Variants in LRRC8D observed in about 807,000 individuals in gnomAD.
LRRC8D encodes the protein volume-regulated anion channel subunit LRRC8D.
Under a neutral mutation model 55.8 loss-of-function variants are expected in LRRC8D, and 20 were observed. The ratio of observed to expected loss-of-function variants is 0.36; its 90% CI spans 0.25 to 0.52. LRRC8D has a LOEUF of 0.52. LRRC8D is among the 20% of genes least tolerant of loss of function. LRRC8D has a pLI of 0.93. For synonymous variants in LRRC8D, 352 were observed against 377.0 expected, an observed-to-expected ratio of 0.93 and a Z score of 0.77; for missense variants, 651 against 1,030.8, an observed-to-expected ratio of 0.63 and a Z score of 5.05.
Position 89,934,217 on chromosome 1 carries a change from T to C in LRRC8D, c.1149T>C (p.Thr383=). Residue 383 remains threonine (T), a synonymous_variant, in exon 3 of 3, where the codon ACT becomes ACC. Transcript: ENST00000337338. The surrounding 1 kb of genome is among the most constrained non-coding windows in gnomAD (Gnocchi z 5.9). The part of the protein sequence containing the change: ...ICVYGFICLY[T]LFWLFRIPLK... ...TTTATGGCTTTATCTGCCTCTACAC[T>C]CTCTTCTGGTTATTCAGGATACCTT... 1 of 1,614,108 alleles carries C rather than the reference T, an allele frequency of 6.2e-7. No homozygotes were observed. The highest frequency in any genetic ancestry group is 8.5e-7 in the Non-Finnish European group (1 of 1,179,996).
At chr1:89,869,330 G>A (rs534701632) in intron 2 of LRRC8D, among the ~76,000 whole-genome samples, 5 of 152,230 alleles carry the variant, frequency 3.3e-5, no homozygotes, top group East Asian at 1.9e-4. Context: ...TGAGAACTTC[G>A]TGAAGCATAC....
At chr1:89,883,386 T>A (rs1662332894) in intron 2 of LRRC8D, among the ~76,000 whole-genome samples, 1 of 152,134 alleles carries the variant, frequency 6.6e-6, no homozygotes, top group Non-Finnish European at 1.5e-5. Flanking sequence ...AAAATAGGAT[T>A]TTATTTTTGA....
intron 2 of LRRC8D, among the ~76,000 whole-genome samples, chr1:89,900,514 T>TAA (rs71738758): frequency 1.4e-5 from 2 of 144,356 alleles, no homozygotes; most frequent in Admixed American, 6.9e-5. Flanking sequence ...ATGTCCATCA[T>TAA]AAAAAAAAAA....
chr1:89,845,961 AGT>A (rs1661266478), intron 2 of LRRC8D, among the ~76,000 whole-genome samples: 1 of 151,842 alleles, frequency 6.6e-6, no homozygotes, highest in African/African-American at 2.4e-5. Flanking sequence ...TTGTATTTTT[AGT>A]ATTGATGGGG....
chr1:89,924,957 A>C (rs1004329361), intron 2 of LRRC8D, among the ~76,000 whole-genome samples: 13 of 152,268 alleles, frequency 8.5e-5, no homozygotes, highest in African/African-American at 3.1e-4. Flanking sequence ...AAGGCTCCCT[A>C]TTAGGTACTA....
chr1:89,822,102 C>A, intron 1 of LRRC8D: 1 of 152,584 alleles, frequency 6.6e-6, no homozygotes, highest in Non-Finnish European at 1.5e-5. Context: ...TAGGGGGTAT[C>A]CCTTGCAGAT....
chr1:89,871,275 A>G (rs1018825998), intron 2 of LRRC8D, among the ~76,000 whole-genome samples: 14 of 152,332 alleles, frequency 9.2e-5, no homozygotes, highest in African/African-American at 2.9e-4. Context: ...CTCATGGGCA[A>G]TGTAACAAAG....
intron 2 of LRRC8D, among the ~76,000 whole-genome samples, chr1:89,910,880 C>T (rs1192131964): frequency 1.3e-5 from 2 of 152,102 alleles, no homozygotes; most frequent in Non-Finnish European, 2.9e-5. Context: ...AAGATACAGC[C>T]CAAGATTTTC....
intron 2 of LRRC8D, among the ~76,000 whole-genome samples, chr1:89,846,113 G>GC (rs1661272750): frequency 6.6e-6 from 1 of 151,888 alleles, no homozygotes; most frequent in East Asian, 1.9e-4. Context: ...TGTGTTCCTT[G>GC]CCCCCCAGTT....
intron 2 of LRRC8D, 73 bp downstream of exon 2, chr1:89,843,855 T>A: frequency 3.4e-6 from 2 of 580,382 alleles, no homozygotes; most frequent in Non-Finnish European, 6.3e-6. Context: ...TAGTGTCGGA[T>A]CTGCATCTCC....
chr1:89,859,444 A>G lies in LRRC8D; in HGVS notation c.-3+15662A>G, dbSNP rs12086828. Among the ~76,000 whole-genome samples the G allele has an allele frequency of 9.7e-3, 1,473 of 152,282 alleles. 18 individuals are homozygous for G. The highest frequency in any genetic ancestry group is 0.034 in the African/African-American group (1,403 of 41,552). On this transcript the variant is annotated intron_variant, in intron 2 of 2. Coordinates refer to ENST00000337338, the MANE Select transcript of LRRC8D (RefSeq NM_001134479.2). ...TTTCGTCTGTTTTTAACTTGTCGAAATTGTTGTTATAACATTTATCTGCCT... is the reference window on the plus strand; with the variant it reads ...TTTCGTCTGTTTTTAACTTGTCGAAGTTGTTGTTATAACATTTATCTGCCT...
chr1:89,842,204 C>T (rs144700200), intron 1 of LRRC8D, among the ~76,000 whole-genome samples: 2,330 of 115,778 alleles, frequency 0.02, 72 homozygotes, highest in African/African-American at 0.073. Flanking sequence ...CAGAGCGAGA[C>T]TCTGTCTCAG....
At chr1:89,849,088 G>T (rs764314762) in intron 2 of LRRC8D, among the ~76,000 whole-genome samples, 5 of 152,174 alleles carry the variant, frequency 3.3e-5, no homozygotes, top group Non-Finnish European at 7.4e-5. Context: ...CCAGGTTTGT[G>T]CAGTCTCCAA....
chr1:89,822,928 T>G (rs1397651680), intron 1 of LRRC8D, among the ~76,000 whole-genome samples: 1 of 152,170 alleles, frequency 6.6e-6, no homozygotes, highest in Non-Finnish European at 1.5e-5. Flanking sequence ...GGGAGGAATC[T>G]GAGATGAAAA....
At position 89,935,640 on chromosome 1, in the gene LRRC8D, A is replaced by G. The variant is rs763559435; in HGVS notation, c.2572A>G (p.Ile858Val). The G allele has an allele frequency of 5.6e-6, 9 of 1,613,220 alleles. No homozygotes were observed. Residue 858 changes from isoleucine (I) to valine (V), a missense_variant, in exon 3 of 3, where the codon ATT becomes GTT. Around this residue, in one of 5 missense-constraint regions of LRRC8D, gnomAD observed 338 missense variants for 479.4 expected, o/e 0.71. Transcript: ENST00000337338. Reference sequence around the variant, plus strand: ...CATAAATATTCCCTTTGCAAATGGGATTTAAACTAAGATAATATATGCACA... The same window carrying G: ...CATAAATATTCCCTTTGCAAATGGGGTTTAAACTAAGATAATATATGCACA... ...QDINIPFANG[I>V]
intron 2 of LRRC8D, among the ~76,000 whole-genome samples, chr1:89,869,277 A>C (rs891994706): frequency 1.1e-4 from 17 of 152,322 alleles, no homozygotes; most frequent in African/African-American, 4.1e-4. Flanking sequence ...TAACCAGTTT[A>C]GAGAAGAACG....
chr1:89,923,228 C>T (rs949226180), intron 2 of LRRC8D, among the ~76,000 whole-genome samples: 2 of 152,168 alleles, frequency 1.3e-5, no homozygotes, highest in Non-Finnish European at 2.9e-5. Context: ...ATGTGAAATC[C>T]ACTTCCGCAT....
chr1:89,928,897 A>T (rs1051873965), intron 2 of LRRC8D, among the ~76,000 whole-genome samples: 1 of 152,228 alleles, frequency 6.6e-6, no homozygotes, highest in Non-Finnish European at 1.5e-5. Context: ...TAGAGTGTTC[A>T]TTCTTGCATA....
chr1:89,833,461 T>C (rs1297236246), intron 1 of LRRC8D, among the ~76,000 whole-genome samples: 1 of 152,194 alleles, frequency 6.6e-6, no homozygotes, highest in Admixed American at 6.5e-5. Flanking sequence ...ACTGGTAGAT[T>C]TGGTGAGCTT....
Sources: allele counts gnomAD v4.1 joint callset (sites outside exome capture counted in the v4.1 genomes callset), GRCh38; gene constraint gnomAD v4.1.1; regional missense constraint gnomAD v4.1.1; non-coding constraint Gnocchi (gnomAD v3.1); transcripts MANE v1.5; gene names NCBI Gene and HGNC (gene_info 2026-07-23, HGNC 2026-07-21).